The following SH2D1B variants were observed in gnomAD, a reference collection of about 807,000 sequenced individuals.
SH2D1B encodes SH2 domain containing 1B, also known as SH2 domain-containing protein 1B.
In SH2D1B, 11 loss-of-function variants were observed where a neutral mutation model predicts 16.3. The observed-to-expected ratio is 0.67, with a 90% CI of 0.42 to 1.11. SH2D1B has a LOEUF of 1.11. Among genes scored for constraint, SH2D1B ranks in the 50% most tolerant of loss-of-function variants. SH2D1B has a pLI of 0.00. For missense variants in SH2D1B, 123 were observed against 153.1 expected, an observed-to-expected ratio of 0.80 and a Z score of 1.04; for synonymous variants, 55 against 56.1, an observed-to-expected ratio of 0.98 and a Z score of 0.09.
At chr1:162,400,457 A>ATTTTTTTTT (rs34822047) in intron 2 of SH2D1B, among the ~76,000 whole-genome samples, 3 of 110,838 alleles carry the variant, frequency 2.7e-5, no homozygotes, top group African/African-American at 6.8e-5. Context: ...TACCTGGCTA[A>ATTTTTTTTT]TTTTTTTTTT....
At chr1:162,403,511 A>AAAAAAAAAAAAAAT (rs1648579325) in intron 1 of SH2D1B, among the ~76,000 whole-genome samples, 6 of 42,038 alleles carry the variant, frequency 1.4e-4, no homozygotes, top group Non-Finnish European at 2.4e-4. Context: ...AAAAAAAAAA[A>AAAAAAAAAAAAAAT]ATATATATAT....
chr1:162,396,611 T>C lies in SH2D1B; in HGVS notation c.*669A>G, dbSNP rs1290807900. 1 of 152,508 alleles carries C rather than the reference T, an allele frequency of 6.6e-6. No individual in the cohort carries two copies. Among genetic ancestry groups the C allele is most frequent in the Non-Finnish European group, 1.5e-5 (1 of 68,312 alleles). 9.4% of individuals were successfully genotyped at this position (152,508 alleles called of 1,614,324 possible). A position where few individuals can be genotyped will look rare whatever the true frequency, so the allele number is the denominator to read the frequency against. ...ATTAAGCAAAACCAGGGAGAAAGTGTGGCTGGGGCAATGCTCACCAGGAAG... is the reference window on the plus strand; with the variant it reads ...ATTAAGCAAAACCAGGGAGAAAGTGCGGCTGGGGCAATGCTCACCAGGAAG... On this transcript the variant is annotated 3_prime_UTR_variant, in exon 4 of 4. Transcript: ENST00000367929.
At chr1:162,397,531 CA>C (rs1217358675) in intron 3 of SH2D1B, among the ~76,000 whole-genome samples, 1 of 152,180 alleles carries the variant, frequency 6.6e-6, no homozygotes, top group Non-Finnish European at 1.5e-5. Flanking sequence ...CCTTCCAGCA[CA>C]AGTGTCTCCA....
At chr1:162,403,685 GATGA>G (rs1247114374) in intron 1 of SH2D1B, among the ~76,000 whole-genome samples, 2 of 121,276 alleles carry the variant, frequency 1.6e-5, no homozygotes, top group East Asian at 2.5e-4. Flanking sequence ...TTGATTAATA[GATGA>G]ATGAAGAAAG....
At chr1:162,406,248 G>C (rs1191392200) in intron 1 of SH2D1B, among the ~76,000 whole-genome samples, 1 of 152,148 alleles carries the variant, frequency 6.6e-6, no homozygotes, top group Non-Finnish European at 1.5e-5. Context: ...TTTCACAGAT[G>C]TAAGTACAAA....
intron 2 of SH2D1B, among the ~76,000 whole-genome samples, chr1:162,401,753 T>A (rs1364342008): frequency 6.6e-6 from 1 of 152,122 alleles, no homozygotes; most frequent in African/African-American, 2.4e-5. Flanking sequence ...ATAAGTGAGG[T>A]GTTTGGGGAT....
At position 162,396,168 on chromosome 1, in the gene SH2D1B, GCTCCTCTCTTTTAAAA is replaced by G. The variant is rs909200139; in HGVS notation, c.*1096_*1111del. The G allele has an allele frequency of 2.6e-5, 4 of 152,186 alleles. No homozygotes were observed. Among genetic ancestry groups the G allele is most frequent in the African/African-American group, 9.7e-5 (4 of 41,434 alleles). The allele number at this position is 152,186 out of a possible 1,614,324, so 9.4% of individuals were successfully genotyped here. On this transcript the variant is annotated 3_prime_UTR_variant, in exon 4 of 4. Coordinates refer to ENST00000367929, the MANE Select transcript of SH2D1B (RefSeq NM_053282.5). ...TGTTCATATTACCTCTAAGTCGAGA[GCTCCTCTCTTTTAAAA>G]CTCTGAAGATAAGTCCAGTGGGGTG...
chr1:162,397,925 A>T (rs1648420356), intron 3 of SH2D1B, among the ~76,000 whole-genome samples: 2 of 152,026 alleles, frequency 1.3e-5, no homozygotes, highest in South Asian at 4.2e-4. Flanking sequence ...TGGGGGGGAA[A>T]GTAGCTGTGG....
At chr1:162,397,445 G>T in intron 3 of SH2D1B, 130 bp from the exon 4 acceptor site, 2 of 907,198 alleles carry the variant, frequency 2.2e-6, no homozygotes, top group Non-Finnish European at 3.4e-6. Flanking sequence ...CCTGAAAGTT[G>T]TATCTTTAAA....
chr1:162,410,182 A>G (rs1247742634), intron 1 of SH2D1B, among the ~76,000 whole-genome samples: 1 of 152,160 alleles, frequency 6.6e-6, no homozygotes, highest in East Asian at 1.9e-4. Flanking sequence ...ACATCTGATC[A>G]CCCGGGCCTG....
chr1:162,411,997 T>C lies in SH2D1B; in HGVS notation c.20A>G (p.His7Arg). 6.2e-7 allele frequency: 1 copy of C among 1,614,070 alleles called. No homozygotes were observed. Among genetic ancestry groups the C allele is most frequent in the South Asian group, 1.1e-5 (1 of 91,062 alleles). The change falls in exon 1 of 4, where the codon CAT becomes CGT. Residue 7 changes from histidine (H) to arginine (R), a missense_variant. Physicochemically the swap from His to Arg is conservative, Grantham distance 29. Transcript: ENST00000367929. Reference sequence around the variant, plus strand: ...ACAGTCTTGCTTGGTCAGACGTCCATGGTAGTAAGGCAGATCCATGGAGAA... The same window carrying C: ...ACAGTCTTGCTTGGTCAGACGTCCACGGTAGTAAGGCAGATCCATGGAGAA... MDLPYY[H>R]GRLTKQDCET...
Position 162,396,620 on chromosome 1 carries a change from C to A in SH2D1B, c.*660G>T. On this transcript the variant is annotated 3_prime_UTR_variant, in exon 4 of 4. Coordinates refer to ENST00000367929, the MANE Select transcript of SH2D1B (RefSeq NM_053282.5). ...AACCAGGGAGAAAGTGTGGCTGGGG[C>A]AATGCTCACCAGGAAGTTTAAGATT... 1 of 152,762 alleles carries A rather than the reference C, an allele frequency of 6.5e-6. No homozygotes were observed. Among genetic ancestry groups the A allele is most frequent in the Non-Finnish European group, 1.5e-5 (1 of 68,418 alleles). The allele number at this position is 152,762 out of a possible 1,614,324, so 9.5% of individuals were successfully genotyped here.
chr1:162,400,501 TC>T (rs1440745230), intron 2 of SH2D1B, among the ~76,000 whole-genome samples: 6 of 143,404 alleles, frequency 4.2e-5, no homozygotes, highest in Non-Finnish European at 9.1e-5. Flanking sequence ...AGATGGGGTT[TC>T]ACTGTGTTAG....
At chr1:162,410,417 A>G (rs1648765238) in intron 1 of SH2D1B, among the ~76,000 whole-genome samples, 1 of 152,172 alleles carries the variant, frequency 6.6e-6, no homozygotes, top group African/African-American at 2.4e-5. Context: ...AGTCTTCCCA[A>G]CCATAATTTA....
chr1:162,406,213 A>T (rs1648650207), intron 1 of SH2D1B, among the ~76,000 whole-genome samples: 1 of 152,218 alleles, frequency 6.6e-6, no homozygotes, highest in Admixed American at 6.5e-5. Context: ...CTAGGATTTT[A>T]TCCTAACTAG....
At chr1:162,398,372 G>A (rs780841001) in intron 3 of SH2D1B, among the ~76,000 whole-genome samples, 1 of 152,216 alleles carries the variant, frequency 6.6e-6, no homozygotes, top group Non-Finnish European at 1.5e-5. Flanking sequence ...TTTCAAGAGT[G>A]TGGGTAAGGA....
In SH2D1B at chr1:162,406,569, G is replaced by C. The variant is rs776607997; in HGVS notation, c.135-3767C>G. ...ATTTCAGAGTGGTGAGACTGATATA[G>C]TTTGTTTTGTTTTTTATACCTTTCT... On this transcript the variant is annotated intron_variant, in intron 1 of 3. Transcript: ENST00000367929. Among the ~76,000 whole-genome samples, 219 of 152,268 alleles carry C rather than the reference G, an allele frequency of 1.4e-3. 1 individual carries two copies. Among genetic ancestry groups the C allele is most frequent in the Non-Finnish European group, 2.8e-3 (190 of 68,026 alleles).
Position 162,402,822 on chromosome 1 carries a change from G to A in SH2D1B, c.135-20C>T. 6.3e-7 allele frequency: 1 copy of A among 1,598,998 alleles called. No homozygotes were observed. Among genetic ancestry groups the A allele is most frequent in the Non-Finnish European group, 8.6e-7 (1 of 1,166,480 alleles). The stretch of plus-strand genomic sequence containing the variant: ...TTAAACCTGTGGAAAAAATGACTGT[G>A]TGAATCAAAATGTTCTATGCAAATC... On this transcript the variant is annotated intron_variant, in intron 1 of 3. Coordinates refer to ENST00000367929, the MANE Select transcript of SH2D1B (RefSeq NM_053282.5).
chr1:162,403,533 T>A (rs1191374269), intron 1 of SH2D1B, among the ~76,000 whole-genome samples: 4 of 113,548 alleles, frequency 3.5e-5, no homozygotes, highest in East Asian at 4.8e-4. Context: ...TATATATATA[T>A]ATATATATAT....
Sources: gnomAD v4.1 joint callset for allele counts (sites outside exome capture counted in the v4.1 genomes callset) on GRCh38, gnomAD v4.1.1 for gene constraint, MANE v1.5 for transcripts, NCBI Gene and HGNC (gene_info 2026-07-23, HGNC 2026-07-21) for gene names.